The following CHD6 variants were observed in gnomAD, a reference collection of about 807,000 sequenced individuals.
The protein encoded by CHD6 is chromodomain helicase DNA binding protein 6.
Under a neutral mutation model 276.9 loss-of-function variants are expected in CHD6, and 50 were observed. The ratio of observed to expected loss-of-function variants is 0.18; its 90% confidence interval spans 0.14 to 0.23. CHD6 has a LOEUF of 0.23. Among genes scored for constraint, CHD6 ranks in the 10% least tolerant of loss-of-function variants. The probability of loss-of-function intolerance (pLI) is 1.00; values close to 1 mark genes in which losing one functional copy is unlikely to be tolerated. For missense variants in CHD6, 2,564 were observed against 3,365.8 expected (o/e 0.76, Z 5.89); for synonymous variants, 1,173 against 1,229.3 (o/e 0.95, Z 0.96).
At position 41,404,529 on chromosome 20, in the gene CHD6, A is replaced by G; in HGVS notation, c.*64T>C. 1 of 1,443,742 alleles carries G rather than the reference A, an allele frequency of 6.9e-7. No individual in the cohort carries two copies. The highest frequency in any genetic ancestry group is 2.5e-5 in the Admixed American group (1 of 39,968). 89.4% of individuals were successfully genotyped at this position (1,443,742 alleles called of 1,614,324 possible). A position where few individuals can be genotyped will look rare whatever the true frequency, so the allele number is the denominator to read the frequency against. ...GTTCTTATGGAGGTGAAGTGAGGGA[A>G]GTAACAAACCTTTATGGGATAAGAA... On this transcript the variant is annotated 3_prime_UTR_variant, in exon 37 of 37. Coordinates refer to ENST00000373233, the MANE Select transcript of CHD6 (RefSeq NM_032221.5).
intron 12 of CHD6, among the ~76,000 whole-genome samples, chr20:41,489,286 C>T (rs186570046): frequency 9.9e-5 from 15 of 152,268 alleles, no homozygotes; most frequent in African/African-American, 3.4e-4. Flanking sequence ...AAACACACAA[C>T]TATATTCAGC....
At chr20:41,593,791 G>A (rs1442796112) in intron 1 of CHD6, among the ~76,000 whole-genome samples, 4 of 152,122 alleles carry the variant, frequency 2.6e-5, no homozygotes, top group African/African-American at 9.7e-5. Flanking sequence ...GATAAACACA[G>A]AGAAAAGACC....
chr20:41,601,886 C>T (rs1455172992), intron 1 of CHD6, among the ~76,000 whole-genome samples: 2 of 152,296 alleles, frequency 1.3e-5, no homozygotes, highest in East Asian at 3.9e-4. Flanking sequence ...TTTATTTGGT[C>T]CTGTCATATT....
intron 22 of CHD6, 132 bp from the exon 23 acceptor site, chr20:41,451,237 G>T: frequency 1.4e-6 from 1 of 712,188 alleles, no homozygotes; most frequent in Non-Finnish European, 2.3e-6. Context: ...CTACTCCTTA[G>T]CCCACAGGTG....
intron 1 of CHD6, among the ~76,000 whole-genome samples, chr20:41,617,735 AG>A (rs1568736827): frequency 6.6e-6 from 1 of 151,384 alleles, no homozygotes; most frequent in African/African-American, 2.4e-5. Context: ...GTGCGTAAGA[AG>A]GGGGCGGAGG....
intron 8 of CHD6, among the ~76,000 whole-genome samples, chr20:41,495,690 T>C (rs751735847): frequency 3.3e-5 from 5 of 152,246 alleles, no homozygotes; most frequent in Admixed American, 6.5e-5. Flanking sequence ...AGCTTGACTA[T>C]AGTGGTTATT....
At chr20:41,602,972 C>T (rs987931546) in intron 1 of CHD6, among the ~76,000 whole-genome samples, 3 of 152,086 alleles carry the variant, frequency 2.0e-5, no homozygotes, top group African/African-American at 4.8e-5. Context: ...CATGAGCCAC[C>T]GTGCCTGGCC....
At chr20:41,590,159 A>G (rs964166299) in intron 1 of CHD6, among the ~76,000 whole-genome samples, 10 of 152,368 alleles carry the variant, frequency 6.6e-5, no homozygotes, top group African/African-American at 2.4e-4. Flanking sequence ...CTGGCTAGCC[A>G]TATGTAGAAA....
intron 17 of CHD6, among the ~76,000 whole-genome samples, chr20:41,470,300 A>G (rs935684277): frequency 1.1e-4 from 17 of 151,780 alleles, no homozygotes; most frequent in Non-Finnish European, 1.9e-4. Flanking sequence ...CCCCTGTCCT[A>G]AAACTGCTCT....
intron 2 of CHD6, chr20:41,547,524 CT>C: frequency 9.1e-6 from 4 of 441,816 alleles, no homozygotes; most frequent in South Asian, 6.9e-5. Context: ...GATAAGACCC[CT>C]GGGTCTGTCT....
At chr20:41,534,980 G>A (rs554046903) in intron 2 of CHD6, among the ~76,000 whole-genome samples, 1 of 152,300 alleles carries the variant, frequency 6.6e-6, no homozygotes, top group Admixed American at 6.5e-5. Context: ...TGAATTCTGT[G>A]CCAAGGATGC....
Position 41,404,700 on chromosome 20 carries a change from CG to C in CHD6, c.8040del (p.Ser2680ArgfsTer42). On this transcript the variant is annotated frameshift_variant, in exon 37 of 37. Coordinates refer to ENST00000373233, the MANE Select transcript of CHD6 (RefSeq NM_032221.5). LOFTEE classifies it high-confidence loss of function. ...CTGGGTTCGGCACAGTTCTCATCACCGCTGGGCTCCCTTTCACAGCTGGGAG... is the reference window on the plus strand; with the variant it reads ...CTGGGTTCGGCACAGTTCTCATCACCCTGGGCTCCCTTTCACAGCTGGGAG... ...EPAPSCEREP[S>X]GDENCAEPSA... 2 of 1,595,270 alleles carry C rather than the reference CG, an allele frequency of 1.3e-6. No individual in the cohort carries two copies. The highest frequency in any genetic ancestry group is 1.7e-6 in the Non-Finnish European group (2 of 1,170,648).
chr20:41,564,175 T>G (rs1305421554), intron 1 of CHD6: 1 of 699,764 alleles, frequency 1.4e-6, no homozygotes, highest in Non-Finnish European at 2.6e-6. Flanking sequence ...GTTACTCTGT[T>G]AACATTGAAA....
chr20:41,455,672 A>G, intron 19 of CHD6, 128 bp downstream of exon 19: 1 of 632,952 alleles, frequency 1.6e-6, no homozygotes, highest in East Asian at 2.7e-5. Flanking sequence ...ATAGTCACGC[A>G]GACTAAATGT....
intron 17 of CHD6, among the ~76,000 whole-genome samples, chr20:41,468,657 C>T (rs890176991): frequency 6.6e-6 from 1 of 152,146 alleles, no homozygotes; most frequent in Non-Finnish European, 1.5e-5. Context: ...TTATTACTTT[C>T]TCATAGCAAA....
At chr20:41,548,224 A>C (rs1002848335) in intron 2 of CHD6, among the ~76,000 whole-genome samples, 5 of 152,228 alleles carry the variant, frequency 3.3e-5, no homozygotes, top group Non-Finnish European at 5.9e-5. Context: ...AGTCTTTCTG[A>C]AAGTTGCTCA....
At chr20:41,561,616 G>A in intron 1 of CHD6, among the ~76,000 whole-genome samples, 1 of 152,116 alleles carries the variant, frequency 6.6e-6, no homozygotes, top group Non-Finnish European at 1.5e-5. Flanking sequence ...TCATTTTAGT[G>A]AAGCACAACA....
At chr20:41,442,711 A>G (rs2047937086) in intron 25 of CHD6, among the ~76,000 whole-genome samples, 1 of 152,186 alleles carries the variant, frequency 6.6e-6, no homozygotes, top group South Asian at 2.1e-4. Context: ...TTATACTGTG[A>G]TAAGGGCGAA....
chr20:41,534,964 G>A (rs1052653136), intron 2 of CHD6, among the ~76,000 whole-genome samples: 11 of 152,174 alleles, frequency 7.2e-5, no homozygotes, highest in African/African-American at 2.7e-4. Context: ...GTCCTCGGAA[G>A]ATTCTTGAAT....
Sources: allele counts gnomAD v4.1 joint callset (sites outside exome capture counted in the v4.1 genomes callset), GRCh38; gene constraint gnomAD v4.1.1; transcripts MANE v1.5; gene names NCBI Gene and HGNC (gene_info 2026-07-23, HGNC 2026-07-21).